Variants in EMX1 observed in about 807,000 individuals in gnomAD.
EMX1 encodes homeobox protein EMX1.
In EMX1, 10 loss-of-function variants were observed where a neutral mutation model predicts 20.1. The ratio of observed to expected loss-of-function variants is 0.50; its 90% CI spans 0.31 to 0.84. The LOEUF (loss-of-function observed/expected upper bound fraction) is 0.84. Ranked by LOEUF, EMX1 falls within the 40% of genes least tolerant of loss-of-function variation. EMX1 has a pLI of 0.05. For missense variants in EMX1, 424 were observed against 431.9 expected (o/e 0.98, Z 0.16); for synonymous variants, 250 against 200.4 (o/e 1.25, Z -2.09).
At chr2:72,924,712 A>C (rs1671165211) in intron 2 of EMX1, among the ~76,000 whole-genome samples, 1 of 152,226 alleles carries the variant, frequency 6.6e-6, no homozygotes, top group Non-Finnish European at 1.5e-5. Context: ...CAAGCGCTAA[A>C]GACCTAGCAG....
Position 72,919,180 on chromosome 2 carries a change from TACACACACAC to T in EMX1, c.520+837_520+846del, listed in dbSNP as rs70963149. ...GCTAATAAAGATCCTCCACTGGCCCTACACACACACACACACACACACACACACACACACA... is the reference window on the plus strand; with the variant it reads ...GCTAATAAAGATCCTCCACTGGCCCTACACACACACACACACACACACACA... On this transcript the variant is annotated intron_variant, in intron 1 of 2. Transcript: ENST00000258106. Among the ~76,000 whole-genome samples, 70 of 142,612 alleles carry T rather than the reference TACACACACAC, an allele frequency of 4.9e-4. 1 individual carries two copies. The highest frequency in any genetic ancestry group is 1.1e-3 in the East Asian group (5 of 4,756). 93.6% of individuals were successfully genotyped at this position (142,612 alleles called of 152,430 possible).
intron 1 of EMX1, 135 bp downstream of exon 1, chr2:72,918,507 C>T (rs373648582): frequency 1.6e-6 from 2 of 1,228,134 alleles, no homozygotes; most frequent in South Asian, 2.3e-5. Flanking sequence ...AGGTAGATTC[C>T]CAGGCAGGGA....
At chr2:72,921,948 A>T (rs1166608674) in intron 1 of EMX1, among the ~76,000 whole-genome samples, 3 of 152,238 alleles carry the variant, frequency 2.0e-5, no homozygotes, top group Non-Finnish European at 2.9e-5. Context: ...GGTGACTGAC[A>T]TATACCACAT....
At chr2:72,933,176 C>A (rs1671311686) in intron 2 of EMX1, 2 of 152,360 alleles carry the variant, frequency 1.3e-5, no homozygotes, top group Non-Finnish European at 2.9e-5. Flanking sequence ...GAGTCTCTAG[C>A]AGCGGGTTCT....
chr2:72,933,401 G>T, intron 2 of EMX1: 1 of 195,676 alleles, frequency 5.1e-6, no homozygotes, highest in South Asian at 1.2e-4. Context: ...ACTCTGTGAA[G>T]AAGCGATTAT....
chr2:72,924,317 G>T lies in EMX1; in HGVS notation c.529G>T (p.Val177Leu). 1 of 1,567,262 alleles carries T rather than the reference G, an allele frequency of 6.4e-7. No homozygotes were observed. ...FFGHRFQASDVPQDGLLLHGP... is the reference protein window; with the variant it reads ...FFGHRFQASDLPQDGLLLHGP... ...CGGCGGCGGGGCCGCAGCCAGCGAC[G>T]TGCCCCAGGACGGGCTGCTTCTGCA... Residue 177 changes from valine to leucine, a missense_variant, in exon 2 of 3, where the codon GTG (valine) becomes TTG (leucine). By Grantham distance (32) the Val-to-Leu change is conservative. Around this residue, in one of 2 missense-constraint regions of EMX1, gnomAD observed 333 missense variants for 296.6 expected, o/e 1.12. Transcript: ENST00000258106.
chr2:72,928,119 G>A (rs1246724075), intron 2 of EMX1, among the ~76,000 whole-genome samples: 3 of 152,190 alleles, frequency 2.0e-5, no homozygotes, highest in Admixed American at 2.0e-4. Context: ...GTGGGAGTGG[G>A]GTATTCGTGC....
In EMX1 at chr2:72,917,829, G is replaced by C. The variant is rs1454151512; in HGVS notation, c.-24G>C. The C allele has an allele frequency of 1.4e-5, 19 of 1,331,922 alleles. No individual in the cohort carries two copies. Among genetic ancestry groups the C allele is most frequent in the Non-Finnish European group, 1.8e-5 (19 of 1,045,254 alleles). The allele number at this position is 1,331,922 out of a possible 1,614,324, so 82.5% of individuals were successfully genotyped here. A position where few individuals can be genotyped will look rare whatever the true frequency, so the allele number is the denominator to read the frequency against. ...CGAGCGCGAGCGGGCGGGCGGGGGAGGTGAGGGGTGCGGGCGGGTGTGCAT... is the reference window on the plus strand; with the variant it reads ...CGAGCGCGAGCGGGCGGGCGGGGGACGTGAGGGGTGCGGGCGGGTGTGCAT... On this transcript the variant is annotated 5_prime_UTR_variant, in exon 1 of 3. Coordinates refer to ENST00000258106, the MANE Select transcript of EMX1 (RefSeq NM_004097.3).
At chr2:72,925,852 CGGG>C in intron 2 of EMX1, 1 of 985,438 alleles carries the variant, frequency 1.0e-6, no homozygotes, top group East Asian at 1.1e-4. Flanking sequence ...AAATCGCTCA[CGGG>C]TCGGAGGCAG....
At chr2:72,918,910 C>T (rs939308770) in intron 1 of EMX1, among the ~76,000 whole-genome samples, 6 of 152,208 alleles carry the variant, frequency 3.9e-5, no homozygotes, top group Admixed American at 3.9e-4. Flanking sequence ...GAGGGCCTGG[C>T]TGTCTTGGGA....
At chr2:72,929,714 A>G (rs1006792021) in intron 2 of EMX1, among the ~76,000 whole-genome samples, 4 of 152,242 alleles carry the variant, frequency 2.6e-5, no homozygotes, top group Admixed American at 2.6e-4. Context: ...AGAATAGCAG[A>G]TTATTCCAAA....
intron 1 of EMX1, among the ~76,000 whole-genome samples, chr2:72,919,572 T>C (rs1671064587): frequency 6.6e-6 from 1 of 152,196 alleles, no homozygotes. Flanking sequence ...GATAATAAAA[T>C]GAAAATTATC....
chr2:72,926,068 A>G, intron 2 of EMX1: 2 of 984,120 alleles, frequency 2.0e-6, no homozygotes, highest in Non-Finnish European at 2.4e-6. Context: ...TGGTGTTTAT[A>G]ATTAACTTCA....
intron 2 of EMX1, 77 bp downstream of exon 2, chr2:72,924,570 C>T: frequency 7.0e-7 from 1 of 1,438,566 alleles, no homozygotes; most frequent in Non-Finnish European, 9.2e-7. Flanking sequence ...CAGGAGAGGC[C>T]CTGAGCCCGC....
intron 2 of EMX1, chr2:72,925,804 A>G (rs989788059): frequency 2.9e-5 from 29 of 985,222 alleles, no homozygotes; most frequent in Middle Eastern, 5.2e-4. Flanking sequence ...TTTGGCATCT[A>G]TTGTCGTCAT....
chr2:72,917,845 G>A lies in EMX1; in HGVS notation c.-8G>A. ...GGCGGGGGAGGTGAGGGGTGCGGGC[G>A]GGTGTGCATGTGCCTGGCTGGGTGC... On this transcript the variant is annotated 5_prime_UTR_variant, in exon 1 of 3. Coordinates refer to ENST00000258106, the MANE Select transcript of EMX1 (RefSeq NM_004097.3). The A allele has an allele frequency of 6.4e-6, 9 of 1,403,916 alleles. No homozygotes were observed. Among genetic ancestry groups the A allele is most frequent in the South Asian group, 1.5e-5 (1 of 65,670 alleles). 87.0% of individuals were successfully genotyped at this position (1,403,916 alleles called of 1,614,324 possible). A position where few individuals can be genotyped will look rare whatever the true frequency, so the allele number is the denominator to read the frequency against.
intron 2 of EMX1, 145 bp from the exon 3 acceptor site, chr2:72,933,641 AG>A: frequency 1.1e-6 from 1 of 929,618 alleles, no homozygotes; most frequent in Non-Finnish European, 1.6e-6. Context: ...GCAGCTGGTC[AG>A]AGGGGACCCC....
rs1420953834 is a variant in EMX1 at position 72,924,236 on chromosome 2, T to C, written c.521-73T>C. The C allele has an allele frequency of 3.9e-6, 6 of 1,524,800 alleles. No individual in the cohort carries two copies. In the African/African-American group the frequency reaches 5.5e-5, roughly 14 times the overall value. 94.5% of individuals were successfully genotyped at this position (1,524,800 alleles called of 1,614,324 possible). A position where few individuals can be genotyped will look rare whatever the true frequency, so the allele number is the denominator to read the frequency against. ...GAGCAGGGCGCGAGGCCAGGCTCTG[T>C]TGGGCCCCGGCTCACGGCGCCCCTT... On this transcript the variant is annotated intron_variant, in intron 1 of 2. Coordinates refer to ENST00000258106, the MANE Select transcript of EMX1 (RefSeq NM_004097.3).
chr2:72,927,374 G>C (rs1204675306), intron 2 of EMX1, among the ~76,000 whole-genome samples: 1 of 152,146 alleles, frequency 6.6e-6, no homozygotes, highest in East Asian at 1.9e-4. Context: ...CTGTGAGATT[G>C]AATGACACAA....
Sources: allele counts gnomAD v4.1 joint callset (sites outside exome capture counted in the v4.1 genomes callset), GRCh38; gene constraint gnomAD v4.1.1; regional missense constraint gnomAD v4.1.1; transcripts MANE v1.5; gene names NCBI Gene and HGNC (gene_info 2026-07-23, HGNC 2026-07-21).